VPS37A: variants seen among roughly 807,000 people sequenced by gnomAD.
VPS37A encodes VPS37A subunit of ESCRT-I, also known as vacuolar protein sorting-associated protein 37A.
A neutral mutation model predicts 49.8 loss-of-function variants in VPS37A; 30 were observed. The ratio of observed to expected loss-of-function variants is 0.60; its 90% CI spans 0.45 to 0.82. The LOEUF is 0.82. VPS37A is among the 40% of genes least tolerant of loss of function. The pLI is 0.00. For missense variants in VPS37A, 593 were observed against 464.4 expected (o/e 1.28, Z -2.55); for synonymous variants, 195 against 160.6 (o/e 1.21, Z -1.62).
chr8:17,286,072 G>T (rs1251161041), intron 10 of VPS37A, among the ~76,000 whole-genome samples: 1 of 152,224 alleles, frequency 6.6e-6, no homozygotes, highest in Admixed American at 6.5e-5. Context: ...GAGCATGAGA[G>T]GTTCCCTAAA....
downstream of VPS37A, among the ~76,000 whole-genome samples, chr8:17,302,663 G>C (rs1467067738): frequency 3.4e-5 from 4 of 116,550 alleles, no homozygotes; most frequent in Non-Finnish European, 5.1e-5. Flanking sequence ...TTTATCTTTT[G>C]TATCACGACC....
chr8:17,306,455 T>C (rs1450492386), downstream of VPS37A, among the ~76,000 whole-genome samples: 1 of 152,150 alleles, frequency 6.6e-6, no homozygotes, highest in Non-Finnish European at 1.5e-5. Flanking sequence ...GGTTAAAGCT[T>C]ATCACGTGAT....
rs1188490997 is a variant in VPS37A at position 17,247,991 on chromosome 8, C to G, written c.125+622C>G. 5.4e-6 allele frequency: 3 copies of G among 551,274 alleles called. No individual in the cohort carries two copies. In the East Asian group the frequency reaches 9.5e-5, roughly 17 times the overall value. The allele number at this position is 551,274 out of a possible 1,614,324, so 34.1% of individuals were successfully genotyped here. A position where few individuals can be genotyped will look rare whatever the true frequency, so the allele number is the denominator to read the frequency against. ...GTCTTGTCCCCACGCTCAAGAATTA[C>G]TTTATGTTCATCTTGATTGTTCTGT... is the stretch of plus-strand genomic sequence containing the variant. On this transcript the variant is annotated intron_variant, in intron 1 of 11. Transcript: ENST00000324849.
intron 6 of VPS37A, among the ~76,000 whole-genome samples, chr8:17,279,081 CAT>C (rs750831353): frequency 6.6e-6 from 1 of 152,088 alleles, no homozygotes; most frequent in African/African-American, 2.4e-5. Flanking sequence ...CATAAACACA[CAT>C]AAACATATCT....
chr8:17,324,558 G>A, the VPS37A span, among the ~76,000 whole-genome samples: 1 of 152,236 alleles, frequency 6.6e-6, no homozygotes, highest in Non-Finnish European at 1.5e-5. Flanking sequence ...CACCTGAGCA[G>A]CTGTGTTTGA....
chr8:17,286,605 G>A, intron 11 of VPS37A, 178 bp downstream of exon 11: 2 of 507,348 alleles, frequency 3.9e-6, no homozygotes, highest in Non-Finnish European at 6.8e-6. Context: ...CATATAACTA[G>A]TAGAAATCTT....
At chr8:17,304,049 TG>T (rs1272493705), downstream of VPS37A, among the ~76,000 whole-genome samples, 2 of 152,222 alleles carry the variant, frequency 1.3e-5, no homozygotes, top group African/African-American at 4.8e-5. Context: ...TGATCACTGT[TG>T]AAACTTGTGA....
Position 17,296,358 on chromosome 8 carries a change from T to C in VPS37A, c.*1372T>C, listed in dbSNP as rs1285356136. The stretch of plus-strand genomic sequence containing the variant: ...AGGACATGCTGTTAAAGCTTCAAAG[T>C]GACCAGATGAGGAAGGAATAATTAA... On this transcript the variant is annotated 3_prime_UTR_variant, in exon 12 of 12. Coordinates refer to ENST00000324849, the MANE Select transcript of VPS37A (RefSeq NM_152415.3). 6.6e-6 allele frequency: 1 copy of C among 152,192 alleles called. No individual in the cohort carries two copies. Among genetic ancestry groups the C allele is most frequent in the Admixed American group, 6.5e-5 (1 of 15,280 alleles). The allele number at this position is 152,192 out of a possible 1,614,324, so 9.4% of individuals were successfully genotyped here.
the VPS37A span, among the ~76,000 whole-genome samples, chr8:17,332,928 G>C: frequency 6.6e-6 from 1 of 152,208 alleles, no homozygotes; most frequent in Non-Finnish European, 1.5e-5. Context: ...CAGGCGACAG[G>C]AGAATGCCAT....
intron 1 of VPS37A, 125 bp from the exon 2 acceptor site, chr8:17,265,782 G>T (rs113756208): frequency 1.3e-6 from 2 of 1,549,970 alleles, no homozygotes; most frequent in African/African-American, 2.7e-5. Flanking sequence ...TACAAGTTAT[G>T]CTGGCTATCC....
rs946578858 is a variant in VPS37A at position 17,276,328 on chromosome 8, G to A, written c.643-69G>A. On this transcript the variant is annotated intron_variant, in intron 5 of 11. Transcript: ENST00000324849. ...TGGGATATAGTACATTAAAGATTAC[G>A]TTTATTAGTAATTGAGAGCAGTCAA... 2.3e-5 allele frequency: 28 copies of A among 1,231,420 alleles called. No individual in the cohort carries two copies. The Admixed American group carries it at 2.3e-4, about 10-fold the overall frequency. The allele number at this position is 1,231,420 out of a possible 1,614,324, so 76.3% of individuals were successfully genotyped here.
At chr8:17,250,684 A>T (rs1433195190) in intron 1 of VPS37A, among the ~76,000 whole-genome samples, 1 of 152,184 alleles carries the variant, frequency 6.6e-6, no homozygotes, top group Non-Finnish European at 1.5e-5. Context: ...CCACTTCAGC[A>T]GTCTCTTTTT....
intron 5 of VPS37A, 139 bp downstream of exon 5, chr8:17,275,097 G>A: frequency 1.3e-6 from 1 of 750,188 alleles, no homozygotes; most frequent in Non-Finnish European, 2.1e-6. Flanking sequence ...TTCAATTCAA[G>A]TAACAGGTAA....
At chr8:17,328,302 C>G in the VPS37A span, among the ~76,000 whole-genome samples, 1 of 152,262 alleles carries the variant, frequency 6.6e-6, no homozygotes, top group East Asian at 1.9e-4. Flanking sequence ...TTCCACCTTC[C>G]TCTTCACCAC....
rs546143040 is a variant in VPS37A at position 17,282,383 on chromosome 8, A to G, written c.969+1940A>G. ...CAGATAAACTGCTTCAGCGGAAACC[A>G]TAAAACGTCAACTAGCTTCTAGGAT... is the stretch of plus-strand genomic sequence containing the variant. On this transcript the variant is annotated intron_variant, in intron 9 of 11. Coordinates refer to ENST00000324849, the MANE Select transcript of VPS37A (RefSeq NM_152415.3). 5.9e-4 allele frequency among the ~76,000 whole-genome samples: 90 copies of G among 152,284 alleles called. 1 individual carries two copies. The Middle Eastern group carries it at 0.024, about 40-fold the overall frequency.
chr8:17,285,601 C>T (rs1214739775), intron 10 of VPS37A, among the ~76,000 whole-genome samples: 1 of 152,092 alleles, frequency 6.6e-6, no homozygotes, highest in Non-Finnish European at 1.5e-5. Context: ...ACACACACTC[C>T]TGTTAAGGCA....
chr8:17,331,536 C>G, the VPS37A span, among the ~76,000 whole-genome samples: 2 of 152,136 alleles, frequency 1.3e-5, no homozygotes, highest in African/African-American at 4.8e-5. Flanking sequence ...ACTGATAAAC[C>G]CTTCTGGAGA....
At chr8:17,303,468 T>C (rs1273688680), downstream of VPS37A, among the ~76,000 whole-genome samples, 4 of 152,312 alleles carry the variant, frequency 2.6e-5, no homozygotes, top group South Asian at 4.1e-4. Context: ...CATGAGTCTT[T>C]TGATGTTGCT....
At chr8:17,260,817 G>C (rs929648324) in intron 1 of VPS37A, among the ~76,000 whole-genome samples, 2 of 151,976 alleles carry the variant, frequency 1.3e-5, no homozygotes, top group African/African-American at 4.8e-5. Flanking sequence ...GGCCTATATG[G>C]TTCTCATTGA....
Sources: allele counts gnomAD v4.1 joint callset (sites outside exome capture counted in the v4.1 genomes callset), GRCh38; gene constraint gnomAD v4.1.1; transcripts MANE v1.5; gene names NCBI Gene and HGNC (gene_info 2026-07-23, HGNC 2026-07-21).